The following LARGE1 variants were observed in gnomAD, a reference collection of about 807,000 sequenced individuals.
LARGE1 encodes the protein LARGE xylosyl- and glucuronyltransferase 1, also known as xylosyl- and glucuronyltransferase LARGE1.
A neutral mutation model predicts 87.6 loss-of-function variants in LARGE1; 43 were observed. That is an observed-to-expected ratio of 0.49 (90% CI 0.38 to 0.63). The LOEUF (loss-of-function observed/expected upper bound fraction) is 0.63. Among genes scored for constraint, LARGE1 ranks in the 30% least tolerant of loss-of-function variants. The probability of loss-of-function intolerance (pLI) is 0.00; values close to 1 mark genes in which losing one functional copy is unlikely to be tolerated. For missense variants in LARGE1, 802 were observed against 1,000.2 expected (o/e 0.80, Z 2.67); for synonymous variants, 434 against 394.6 (o/e 1.10, Z -1.18).
chr22:33,612,732 T>G (rs2079474624), intron 4 of LARGE1, among the ~76,000 whole-genome samples: 1 of 152,206 alleles, frequency 6.6e-6, no homozygotes, highest in Non-Finnish European at 1.5e-5. Context: ...TGTGAGTTCC[T>G]AGGAACTGCA....
chr22:33,648,055 C>T (rs559815955), intron 3 of LARGE1, among the ~76,000 whole-genome samples: 115 of 152,298 alleles, frequency 7.6e-4, no homozygotes, highest in Middle Eastern at 3.4e-3. Context: ...CTGTGTCGGG[C>T]CCAGAACTTG....
chr22:33,609,198 T>C (rs1249748517), intron 4 of LARGE1, among the ~76,000 whole-genome samples: 3 of 152,120 alleles, frequency 2.0e-5, no homozygotes, highest in South Asian at 2.1e-4. Context: ...CTTACGATCT[T>C]GGAGAGTCAG....
chr22:33,381,253 G>T (rs2065145644), intron 9 of LARGE1, among the ~76,000 whole-genome samples: 1 of 152,192 alleles, frequency 6.6e-6, no homozygotes, highest in African/African-American at 2.4e-5. Flanking sequence ...AATGGTTGCT[G>T]ATTTAGGCCA....
At chr22:33,082,459 TGTGACCATTCATTTCAAG>T in the LARGE1 span, among the ~76,000 whole-genome samples, 1 of 152,048 alleles carries the variant, frequency 6.6e-6, no homozygotes, top group African/African-American at 2.4e-5. Context: ...GGAAAGGAGG[TGTGACCATTCATTTCAAG>T]GTAATCAGCT....
chr22:33,222,592 G>T (rs553257591), intron 11 of LARGE1, among the ~76,000 whole-genome samples: 3 of 152,302 alleles, frequency 2.0e-5, no homozygotes, highest in Admixed American at 2.0e-4. Flanking sequence ...AGAGTCGGAA[G>T]AGGAGACTCA....
At chr22:33,654,508 C>T (rs758755077) in intron 2 of LARGE1, among the ~76,000 whole-genome samples, 18 of 152,166 alleles carry the variant, frequency 1.2e-4, no homozygotes, top group Admixed American at 5.9e-4. Context: ...AGCTCATTCT[C>T]GTTTTATTCA....
chr22:33,494,339 G>A (rs1359093879), intron 6 of LARGE1, among the ~76,000 whole-genome samples: 1 of 152,208 alleles, frequency 6.6e-6, no homozygotes, highest in African/African-American at 2.4e-5. Flanking sequence ...ATTAACTGAG[G>A]ACGTTTCCCT....
chr22:33,435,566 A>G (rs980297796), intron 6 of LARGE1, among the ~76,000 whole-genome samples: 7 of 152,084 alleles, frequency 4.6e-5, no homozygotes, highest in African/African-American at 1.7e-4. Context: ...ACCAATATTA[A>G]CAGACCTTCC....
intron 11 of LARGE1, among the ~76,000 whole-genome samples, chr22:33,167,356 T>C (rs1017682667): frequency 3.3e-5 from 5 of 152,078 alleles, no homozygotes; most frequent in Admixed American, 1.3e-4. Flanking sequence ...ATGAAGAAAA[T>C]TTGTTCAAAG....
chr22:33,561,700 G>A (rs545522430), intron 6 of LARGE1, among the ~76,000 whole-genome samples: 3 of 152,178 alleles, frequency 2.0e-5, no homozygotes, highest in Non-Finnish European at 4.4e-5. Context: ...GATTCTTTCT[G>A]CTAAGAATTG....
At chr22:33,096,887 T>A in the LARGE1 span, among the ~76,000 whole-genome samples, 1 of 152,186 alleles carries the variant, frequency 6.6e-6, no homozygotes, top group African/African-American at 2.4e-5. Context: ...TTTTAAAGTA[T>A]CTGGGTCTAT....
At chr22:33,542,768 AT>A (rs1306285349) in intron 6 of LARGE1, among the ~76,000 whole-genome samples, 1 of 151,770 alleles carries the variant, frequency 6.6e-6, no homozygotes, top group African/African-American at 2.4e-5. Context: ...ACTCAAATCC[AT>A]TTATTTTACT....
At chr22:33,776,414 G>A (rs1354258296) in intron 1 of LARGE1, among the ~76,000 whole-genome samples, 1 of 152,166 alleles carries the variant, frequency 6.6e-6, no homozygotes, top group African/African-American at 2.4e-5. Flanking sequence ...TTTCAACAAT[G>A]CATTGCCAAA....
intron 9 of LARGE1, among the ~76,000 whole-genome samples, chr22:33,362,512 C>T (rs1301366924): frequency 6.7e-6 from 1 of 149,758 alleles, no homozygotes; most frequent in Non-Finnish European, 1.5e-5. Flanking sequence ...ACAAAGTTCT[C>T]CATGGACACC....
downstream of LARGE1, among the ~76,000 whole-genome samples, chr22:33,158,984 T>C (rs1338944510): frequency 1.3e-5 from 2 of 152,250 alleles, no homozygotes; most frequent in East Asian, 3.8e-4. Context: ...CTATAGAATG[T>C]ATATTTTTTA....
chr22:33,678,983 A>T (rs1039321345), intron 2 of LARGE1, among the ~76,000 whole-genome samples: 3 of 152,248 alleles, frequency 2.0e-5, no homozygotes, highest in Non-Finnish European at 2.9e-5. Flanking sequence ...TTTGTATAAA[A>T]AATAGATAGC....
At chr22:33,895,820 G>A (rs1189970292) in intron 1 of LARGE1, among the ~76,000 whole-genome samples, 1 of 152,164 alleles carries the variant, frequency 6.6e-6, no homozygotes, top group Non-Finnish European at 1.5e-5. Context: ...CAAGTCCCCT[G>A]CACACCCCAA....
At chr22:33,734,423 A>C (rs999744506) in intron 2 of LARGE1, among the ~76,000 whole-genome samples, 1 of 152,086 alleles carries the variant, frequency 6.6e-6, no homozygotes, top group Non-Finnish European at 1.5e-5. Context: ...GGGATGGGGG[A>C]GCTGGTGCAG....
chr22:33,623,705 T>TA (rs36005583), intron 4 of LARGE1, among the ~76,000 whole-genome samples: 1,485 of 133,496 alleles, frequency 0.011, 12 homozygotes, highest in African/African-American at 0.034. Flanking sequence ...TTAACTGATT[T>TA]AAAAAAAAAA....
Sources: gnomAD v4.1 joint callset for allele counts (sites outside exome capture counted in the v4.1 genomes callset) on GRCh38, gnomAD v4.1.1 for gene constraint, MANE v1.5 for transcripts, NCBI Gene and HGNC (gene_info 2026-07-23, HGNC 2026-07-21) for gene names.